The following TJP1 variants were observed in gnomAD, a reference collection of about 807,000 sequenced individuals.
TJP1 encodes the protein tight junction protein 1, also known as tight junction protein ZO-1.
In TJP1, 43 loss-of-function variants were observed where a neutral mutation model predicts 194.2. The observed-to-expected ratio is 0.22, with a 90% CI of 0.17 to 0.29. The LOEUF (loss-of-function observed/expected upper bound fraction) is 0.29, where lower values mean the gene tolerates loss of function less well. TJP1 is among the 10% of genes least tolerant of loss of function. The pLI is 1.00. For missense variants in TJP1, 1,971 were observed against 2,185.7 expected (o/e 0.90, Z 1.96); for synonymous variants, 801 against 779.0 (o/e 1.03, Z -0.47).
chr15:29,922,839 TAAAG>T (rs2054408428), intron 2 of TJP1, among the ~76,000 whole-genome samples: 1 of 152,192 alleles, frequency 6.6e-6, no homozygotes, highest in African/African-American at 2.4e-5. Flanking sequence ...TAATTAAACT[TAAAG>T]CAGCAGCAGG....
At chr15:29,935,201 T>A (rs2054843917) in intron 2 of TJP1, among the ~76,000 whole-genome samples, 1 of 152,258 alleles carries the variant, frequency 6.6e-6, no homozygotes, top group South Asian at 2.1e-4. Flanking sequence ...AACTCTTTGA[T>A]CAGTTCAAAC....
Position 29,718,519 on chromosome 15 carries a change from G to A in TJP1, c.3623C>T (p.Thr1208Ile), listed in dbSNP as rs1488414317. Residue 1208 changes from threonine (T) to isoleucine (I), a missense_variant, in exon 21 of 28, where the codon ACC becomes ATC. Physicochemically the swap from Thr to Ile is moderately conservative, Grantham distance 89 (BLOSUM62 -1). This residue lies in a region of TJP1 where 1,108 missense variants were observed against 1,128.5 expected (regional missense o/e 0.98). Coordinates refer to ENST00000614355, the MANE Select transcript of TJP1 (RefSeq NM_001330239.4). Reference protein sequence around the residue: ...SYEQVPPQGFTSRAGHFEPLH... With the variant: ...SYEQVPPQGFISRAGHFEPLH... ...AGGCTCAAAATGACCTGCTCTAGAG[G>A]TAAATCCTTGGGGTGGTACTTGCTC... 5 of 1,614,118 alleles carry A rather than the reference G, an allele frequency of 3.1e-6. No homozygotes were observed. In the Admixed American group the frequency reaches 5.0e-5, roughly 16 times the overall value.
intron 2 of TJP1, among the ~76,000 whole-genome samples, chr15:29,853,060 A>G (rs951643933): frequency 6.6e-6 from 1 of 152,222 alleles, no homozygotes; most frequent in Admixed American, 6.5e-5. Context: ...AATATTACTC[A>G]ATAATAAAAA....
At chr15:29,728,964 G>A (rs142830495) in intron 15 of TJP1, 5 of 152,302 alleles carry the variant, frequency 3.3e-5, no homozygotes, top group African/African-American at 1.2e-4. Context: ...ACTCAAAGAA[G>A]ATATAAAACT....
Position 29,733,460 on chromosome 15 carries a change from A to G in TJP1, c.1517-147T>C, listed in dbSNP as rs2043805936. ...TGCCAGGTACTGTATTATTTCATGT[A>G]TTCATCACTGTAAGAATTGAAACTC... On this transcript the variant is annotated intron_variant, in intron 12 of 27. Transcript: ENST00000614355. 91 of 653,050 alleles carry G rather than the reference A, an allele frequency of 1.4e-4. 2 individuals carry two copies. In the South Asian group the frequency reaches 1.8e-3, roughly 13 times the overall value. 40.5% of individuals were successfully genotyped at this position (653,050 alleles called of 1,614,324 possible).
Position 29,822,178 on chromosome 15 carries a change from G to A in TJP1, c.-150C>T, listed in dbSNP as rs1299894824. 2 of 1,179,142 alleles carry A rather than the reference G, an allele frequency of 1.7e-6. No individual in the cohort carries two copies. Among genetic ancestry groups the A allele is most frequent in the South Asian group, 4.3e-5 (1 of 23,086 alleles). The allele number at this position is 1,179,142 out of a possible 1,614,324, so 73.0% of individuals were successfully genotyped here. On this transcript the variant is annotated 5_prime_UTR_variant, in exon 1 of 28. Transcript: ENST00000614355. ...CGGCCGGAAGGGCCCGGCCCAGGGG[G>A]AGGGAATTCAACTCGGACAAAAGTC...
chr15:29,962,959 G>A (rs2056210502), intron 1 of TJP1, among the ~76,000 whole-genome samples: 1 of 152,160 alleles, frequency 6.6e-6, no homozygotes, highest in Admixed American at 6.5e-5. Flanking sequence ...GGCCAACATG[G>A]TGAAACCCCG....
intron 2 of TJP1, among the ~76,000 whole-genome samples, chr15:29,867,307 G>C (rs1019828601): frequency 5.9e-5 from 9 of 152,276 alleles, no homozygotes; most frequent in Admixed American, 5.9e-4. Context: ...TGAAAAAAAT[G>C]AATTATTTAT....
At chr15:29,949,436 T>TCCACAACCA (rs2055469318) in intron 2 of TJP1, among the ~76,000 whole-genome samples, 5 of 113,892 alleles carry the variant, frequency 4.4e-5, no homozygotes, top group East Asian at 2.8e-4. Flanking sequence ...AACCACCACC[T>TCCACAACCA]CCACCTCCAC....
intron 8 of TJP1, among the ~76,000 whole-genome samples, chr15:29,743,744 G>A (rs2044580350): frequency 6.6e-6 from 1 of 151,932 alleles, no homozygotes; most frequent in East Asian, 1.9e-4. Context: ...AAGAAAAAAA[G>A]AACTATAAAT....
intron 1 of TJP1, among the ~76,000 whole-genome samples, chr15:29,814,472 TA>T (rs1171232074): frequency 3.3e-5 from 5 of 152,202 alleles, no homozygotes; most frequent in African/African-American, 1.2e-4. Flanking sequence ...AATTACATAC[TA>T]AATTAAGTGA....
Position 29,867,765 on chromosome 15 carries a change from A to T in TJP1, c.307-67063T>A, listed in dbSNP as rs565681565. On this transcript the variant is annotated intron_variant, in intron 2 of 28. Coordinates refer to the TJP1 transcript ENST00000356107. ...AGACCCTGTCCCTGCAAAACATTTT[A>T]AAAATTAAGGCTGGACGCAGTGGTT... Among the ~76,000 whole-genome samples the T allele has an allele frequency of 1.1e-3, 166 of 152,268 alleles. 6 individuals are homozygous for T. In the South Asian group the frequency reaches 0.034, roughly 32 times the overall value.
intron 27 of TJP1, among the ~76,000 whole-genome samples, chr15:29,702,295 G>C (rs527788135): frequency 9.9e-5 from 15 of 152,272 alleles, no homozygotes; most frequent in African/African-American, 3.6e-4. Flanking sequence ...GCTCAGCTCT[G>C]ATTCCAGCTG....
At chr15:29,850,433 T>G (rs2051597432) in intron 2 of TJP1, among the ~76,000 whole-genome samples, 1 of 152,030 alleles carries the variant, frequency 6.6e-6, no homozygotes, top group African/African-American at 2.4e-5. Flanking sequence ...CAGGTCCTGG[T>G]TTAAGCAATT....
exon 2 of TJP1, chr15:29,956,249 C>G: frequency 7.8e-7 from 1 of 1,287,316 alleles, no homozygotes; most frequent in Non-Finnish European, 1.0e-6. Flanking sequence ...TCACAGAAAT[C>G]CATGCTATCA....
chr15:29,782,152 C>T (rs2047405388), intron 2 of TJP1, among the ~76,000 whole-genome samples: 3 of 152,090 alleles, frequency 2.0e-5, no homozygotes, highest in Admixed American at 2.0e-4. Context: ...TATACAAAAA[C>T]CACTAGCATT....
At chr15:29,758,489 CTAAAT>C (rs1038668548) in intron 8 of TJP1, among the ~76,000 whole-genome samples, 2 of 152,120 alleles carry the variant, frequency 1.3e-5, no homozygotes, top group African/African-American at 2.4e-5. Context: ...CTGAGGAACT[CTAAAT>C]GAAGAAAGTG....
At chr15:29,704,876 C>T (rs2041794051) in intron 26 of TJP1, among the ~76,000 whole-genome samples, 2 of 152,168 alleles carry the variant, frequency 1.3e-5, no homozygotes, top group Non-Finnish European at 2.9e-5. Context: ...AATCAGAGTA[C>T]AGAATCAGAT....
At chr15:29,721,758 T>C (rs2042942352) in intron 18 of TJP1, among the ~76,000 whole-genome samples, 1 of 152,156 alleles carries the variant, frequency 6.6e-6, no homozygotes, top group Admixed American at 6.5e-5. Context: ...ATGCTAATAG[T>C]GATATGGACA....
Sources: allele counts gnomAD v4.1 joint callset (sites outside exome capture counted in the v4.1 genomes callset), GRCh38; gene constraint gnomAD v4.1.1; regional missense constraint gnomAD v4.1.1; transcripts MANE v1.5; gene names NCBI Gene and HGNC (gene_info 2026-07-23, HGNC 2026-07-21).